The following ZNF678 variants were observed in gnomAD, a reference collection of about 807,000 sequenced individuals.
The protein encoded by ZNF678 is hypothetical protein MGC42493.
A neutral mutation model predicts 3.0 loss-of-function variants in ZNF678; 5 were observed. The observed-to-expected ratio is 1.69, with a 90% CI of 0.88 to 3.56. The LOEUF is 3.56. Among genes scored for constraint, ZNF678 ranks in the 30% most tolerant of loss-of-function variants. The pLI, the probability that ZNF678 is intolerant of heterozygous loss-of-function variation, is 0.00. For missense variants in ZNF678, 593 were observed against 605.0 expected (o/e 0.98, Z 0.21); for synonymous variants, 218 against 199.6 (o/e 1.09, Z -0.78).
chr1:227,594,743 A>G (rs745952460), intron 1 of ZNF678, among the ~76,000 whole-genome samples: 12 of 152,172 alleles, frequency 7.9e-5, no homozygotes, highest in Admixed American at 6.5e-5. Flanking sequence ...ACATGCCTCA[A>G]CTTTCTGACT....
At chr1:227,575,659 T>C (rs561376496) in intron 1 of ZNF678, among the ~76,000 whole-genome samples, 1 of 152,274 alleles carries the variant, frequency 6.6e-6, no homozygotes, top group East Asian at 1.9e-4. Context: ...ACCGTGAGAT[T>C]TGTTAAGTAT....
chr1:227,626,707 T>G (rs1658425838), intron 1 of ZNF678, among the ~76,000 whole-genome samples: 2 of 152,180 alleles, frequency 1.3e-5, no homozygotes, highest in African/African-American at 4.8e-5. Flanking sequence ...GTTTCTTAGG[T>G]TAGCTTTTTT....
chr1:227,566,440 TG>T (rs1270752162), intron 1 of ZNF678, among the ~76,000 whole-genome samples: 1 of 152,204 alleles, frequency 6.6e-6, no homozygotes, highest in African/African-American at 2.4e-5. Context: ...TCCAGTGAGC[TG>T]GTGCGAGAAC....
chr1:227,570,247 G>A (rs1295019920), intron 1 of ZNF678, among the ~76,000 whole-genome samples: 1 of 152,154 alleles, frequency 6.6e-6, no homozygotes, highest in African/African-American at 2.4e-5. Flanking sequence ...AGTGACTTTT[G>A]AACTGTTTTG....
intron 1 of ZNF678, among the ~76,000 whole-genome samples, chr1:227,580,375 T>C (rs1287177252): frequency 6.6e-6 from 1 of 152,178 alleles, no homozygotes; most frequent in East Asian, 1.9e-4. Context: ...TACTTTCACC[T>C]TTAATACTAA....
intron 1 of ZNF678, among the ~76,000 whole-genome samples, chr1:227,591,689 G>A (rs944208428): frequency 1.3e-5 from 2 of 152,140 alleles, no homozygotes; most frequent in Non-Finnish European, 2.9e-5. Context: ...CACACATCAG[G>A]TTGGTCATTT....
intron 1 of ZNF678, among the ~76,000 whole-genome samples, chr1:227,617,762 A>T (rs1286730668): frequency 2.6e-5 from 4 of 152,226 alleles, no homozygotes; most frequent in Admixed American, 1.3e-4. Context: ...GAAAAGGTAC[A>T]TAAATAGATG....
intron 1 of ZNF678, among the ~76,000 whole-genome samples, chr1:227,601,084 T>C (rs1170778432): frequency 6.6e-6 from 1 of 152,172 alleles, no homozygotes; most frequent in Non-Finnish European, 1.5e-5. Flanking sequence ...TGGTTGTGGG[T>C]GTCTGGGCTC....
chr1:227,663,277 A>G (rs1334724211), downstream of ZNF678, among the ~76,000 whole-genome samples: 1 of 152,260 alleles, frequency 6.6e-6, no homozygotes, highest in African/African-American at 2.4e-5. Flanking sequence ...GACACATACA[A>G]TATGTTTCCT....
intron 2 of ZNF678, 145 bp from the exon 3 acceptor site, chr1:227,650,811 C>A: frequency 1.8e-6 from 1 of 560,616 alleles, no homozygotes; most frequent in Non-Finnish European, 3.0e-6. Flanking sequence ...CTTTTATATT[C>A]TGCCAATTTA....
At chr1:227,653,184 T>C (rs1299084993) in intron 3 of ZNF678, among the ~76,000 whole-genome samples, 2 of 152,084 alleles carry the variant, frequency 1.3e-5, no homozygotes, top group Non-Finnish European at 2.9e-5. Flanking sequence ...GTTGCTGCTT[T>C]CAACATCTTA....
intron 1 of ZNF678, among the ~76,000 whole-genome samples, chr1:227,580,946 C>T (rs971140723): frequency 2.6e-5 from 4 of 151,630 alleles, no homozygotes; most frequent in African/African-American, 9.7e-5. Flanking sequence ...AAAATTTTAC[C>T]ACAGAAAATT....
chr1:227,581,879 C>T (rs1020739274), intron 1 of ZNF678, among the ~76,000 whole-genome samples: 2 of 152,236 alleles, frequency 1.3e-5, no homozygotes, highest in East Asian at 1.9e-4. Context: ...CCACCAGCAG[C>T]GCATGAGAGT....
chr1:227,599,120 TTTATATAGGCCAGGA>T (rs1475238578), intron 1 of ZNF678: 3 of 1,543,964 alleles, frequency 1.9e-6, no homozygotes, highest in Non-Finnish European at 2.7e-6. Flanking sequence ...TGCTATTGGG[TTTATATAGGCCAGGA>T]TGTAGAACAT....
chr1:227,607,095 T>G (rs1030938921), intron 1 of ZNF678, among the ~76,000 whole-genome samples: 1 of 152,240 alleles, frequency 6.6e-6, no homozygotes, highest in African/African-American at 2.4e-5. Flanking sequence ...CATCCAGATC[T>G]GAGATACTCT....
chr1:227,577,071 C>T (rs1196874254), intron 1 of ZNF678, among the ~76,000 whole-genome samples: 3 of 152,012 alleles, frequency 2.0e-5, no homozygotes, highest in African/African-American at 7.2e-5. Flanking sequence ...ATTTCTTAGT[C>T]TTGATTTTTA....
At chr1:227,599,427 GTAAT>G (rs1657678360) in intron 1 of ZNF678, among the ~76,000 whole-genome samples, 1 of 152,158 alleles carries the variant, frequency 6.6e-6, no homozygotes, top group African/African-American at 2.4e-5. Flanking sequence ...AATACTGTAT[GTAAT>G]TAGGTGAAAT....
In ZNF678 at chr1:227,659,055, A is replaced by C. The variant is rs1659329992; in HGVS notation, c.*3227A>C. The C allele has an allele frequency of 6.6e-6, 1 of 152,104 alleles. No homozygotes were observed. The highest frequency in any genetic ancestry group is 1.5e-5 in the Non-Finnish European group (1 of 67,986). 9.4% of individuals were successfully genotyped at this position (152,104 alleles called of 1,614,324 possible). On this transcript the variant is annotated 3_prime_UTR_variant, in exon 4 of 4. Coordinates refer to ENST00000343776, the MANE Select transcript of ZNF678 (RefSeq NM_001367909.1). ...TACATATAGCACAATTTATGTGTAC[A>C]TGTAGAATCTTTTAGTTTTTAGTGT...
intron 1 of ZNF678, among the ~76,000 whole-genome samples, chr1:227,645,107 C>T (rs1185612245): frequency 2.0e-5 from 3 of 152,178 alleles, no homozygotes; most frequent in Non-Finnish European, 4.4e-5. Context: ...CTGACCTTTA[C>T]GTAGGAGCTC....
Sources: gnomAD v4.1 joint callset for allele counts (sites outside exome capture counted in the v4.1 genomes callset) on GRCh38, gnomAD v4.1.1 for gene constraint, MANE v1.5 for transcripts, NCBI Gene and HGNC (gene_info 2026-07-23, HGNC 2026-07-21) for gene names.